The following ATRNL1 variants were observed in gnomAD, a reference collection of about 807,000 sequenced individuals.
ATRNL1 encodes the protein attractin like 1, also known as attractin-like protein 1.
Under a neutral mutation model 182.7 loss-of-function variants are expected in ATRNL1, and 95 were observed. That is an observed-to-expected ratio of 0.52 (90% confidence interval 0.44 to 0.62). The LOEUF is 0.62. Ranked by LOEUF, ATRNL1 falls within the 20% of genes least tolerant of loss-of-function variation. The probability of loss-of-function intolerance (pLI) is 0.00; values close to 1 mark genes in which losing one functional copy is unlikely to be tolerated. For synonymous variants in ATRNL1, 576 were observed against 568.3 expected (o/e 1.01, Z -0.19); for missense variants, 1,471 against 1,679.5 (o/e 0.88, Z 2.17).
At chr10:115,604,189 G>A (rs530586733) in intron 26 of ATRNL1, among the ~76,000 whole-genome samples, 1 of 152,146 alleles carries the variant, frequency 6.6e-6, no homozygotes, top group African/African-American at 2.4e-5. Flanking sequence ...TTACATTACT[G>A]AGGATATGAA....
At chr10:115,441,886 C>T (rs1279360297) in intron 21 of ATRNL1, among the ~76,000 whole-genome samples, 2 of 151,876 alleles carry the variant, frequency 1.3e-5, no homozygotes, top group Non-Finnish European at 2.9e-5. Context: ...TCAACCCTTA[C>T]TTTGTGAGGG....
intron 21 of ATRNL1, among the ~76,000 whole-genome samples, chr10:115,457,773 GT>G (rs202097850): frequency 6.6e-6 from 1 of 151,856 alleles, no homozygotes; most frequent in Admixed American, 6.6e-5. Context: ...CAGTCTTTAT[GT>G]TTTTTTCACA....
chr10:115,358,793 C>G (rs895196168), intron 19 of ATRNL1, among the ~76,000 whole-genome samples: 1 of 151,580 alleles, frequency 6.6e-6, no homozygotes, highest in Non-Finnish European at 1.5e-5. Flanking sequence ...CTTTGACTCT[C>G]ACATGCAACT....
chr10:115,860,560 G>T (rs1466828212), intron 28 of ATRNL1, among the ~76,000 whole-genome samples: 1 of 152,124 alleles, frequency 6.6e-6, no homozygotes, highest in African/African-American at 2.4e-5. Context: ...GGATAATTTG[G>T]TATTACTCTA....
At chr10:115,625,704 A>T (rs1428637645) in intron 26 of ATRNL1, among the ~76,000 whole-genome samples, 1 of 152,148 alleles carries the variant, frequency 6.6e-6, no homozygotes, top group Non-Finnish European at 1.5e-5. Flanking sequence ...AACTCCATTC[A>T]TGCAATTTAA....
chr10:115,170,933 GA>G (rs1847263873), intron 7 of ATRNL1, 103 bp from the exon 8 acceptor site: 1 of 665,418 alleles, frequency 1.5e-6, no homozygotes, highest in Admixed American at 3.9e-5. Flanking sequence ...TGCATGTTGT[GA>G]ACAATTACTA....
chr10:115,114,692 G>A (rs964916858), intron 1 of ATRNL1, among the ~76,000 whole-genome samples: 1 of 152,048 alleles, frequency 6.6e-6, no homozygotes, highest in Admixed American at 6.5e-5. Context: ...ACAATGGGAT[G>A]TCATCTCATA....
At chr10:115,228,766 C>CT (rs35765835) in intron 9 of ATRNL1, among the ~76,000 whole-genome samples, 31,596 of 133,740 alleles carry the variant, frequency 0.24, 4,203 homozygotes, top group Non-Finnish European at 0.31. Context: ...TTCTTTCTTT[C>CT]TTTTTTTTTT....
intron 8 of ATRNL1, 103 bp downstream of exon 8, chr10:115,171,395 T>A (rs372521609): frequency 9.5e-7 from 1 of 1,054,372 alleles, no homozygotes. Flanking sequence ...TATTTGAGAT[T>A]GAAATTATAA....
intron 26 of ATRNL1, among the ~76,000 whole-genome samples, chr10:115,588,173 T>G (rs1175167814): frequency 2.6e-5 from 4 of 152,282 alleles, no homozygotes; most frequent in Middle Eastern, 6.8e-3. Flanking sequence ...TAGCATCAGT[T>G]TGGCTCTCCG....
intron 26 of ATRNL1, among the ~76,000 whole-genome samples, chr10:115,553,966 C>A (rs139876122): frequency 6.6e-6 from 1 of 151,372 alleles, no homozygotes; most frequent in Non-Finnish European, 1.5e-5. Flanking sequence ...AAAGAAGATT[C>A]GGCACAGAAT....
At chr10:115,626,053 C>A (rs1858076710) in intron 26 of ATRNL1, among the ~76,000 whole-genome samples, 1 of 152,080 alleles carries the variant, frequency 6.6e-6, no homozygotes, top group African/African-American at 2.4e-5. Context: ...TCTCCATGCC[C>A]CCTGAAACTG....
At chr10:115,856,434 A>AAAAAAAAATAAAAAAT (rs1243598823) in intron 28 of ATRNL1, among the ~76,000 whole-genome samples, 1 of 142,538 alleles carries the variant, frequency 7.0e-6, no homozygotes, top group East Asian at 2.1e-4. Context: ...ATCTCAAAAA[A>AAAAAAAAATAAAAAAT]AAAAAAAAAA....
At chr10:115,706,108 T>C (rs912143007) in intron 26 of ATRNL1, among the ~76,000 whole-genome samples, 1 of 151,934 alleles carries the variant, frequency 6.6e-6, no homozygotes, top group African/African-American at 2.4e-5. Flanking sequence ...ATCAGAAGTC[T>C]GAAATTAGTC....
Position 115,833,318 on chromosome 10 carries a change from C to T in ATRNL1, c.3904-14559C>T, listed in dbSNP as rs141149172. On this transcript the variant is annotated intron_variant, in intron 27 of 28. Transcript: ENST00000355044. ...AGATTAGTCTAGTTACCTAAAGTCA[C>T]GTGATCTGTATGTGGTAGAGCCAAG... 3.1e-3 allele frequency among the ~76,000 whole-genome samples: 474 copies of T among 152,222 alleles called. 2 individuals carry two copies. The highest frequency in any genetic ancestry group is 0.011 in the African/African-American group (452 of 41,544).
At chr10:115,633,767 C>T (rs888526074) in intron 26 of ATRNL1, among the ~76,000 whole-genome samples, 12 of 152,164 alleles carry the variant, frequency 7.9e-5, no homozygotes, top group African/African-American at 2.9e-4. Flanking sequence ...TCTACCAAGT[C>T]CTTTGGTCAT....
Position 115,944,725 on chromosome 10 carries a change from T to A in ATRNL1, c.4086T>A (p.Thr1362=). Residue 1362 remains threonine, a synonymous_variant, in exon 29 of 29, where the codon ACT becomes ACA. Transcript: ENST00000355044. ...AAGCTTCAGATAGTAAAGATAAGAC[T>A]TCTGGAGTCCGGAATCGAAAACACC... ...QQKASDSKDK[T]SGVRNRKHLS... is the part of the protein sequence containing the mutation. The A allele has an allele frequency of 1.2e-6, 2 of 1,613,744 alleles. No homozygotes were observed. The highest frequency in any genetic ancestry group is 1.7e-6 in the Non-Finnish European group (2 of 1,179,754).
At chr10:115,124,761 A>G (rs1844891658) in intron 3 of ATRNL1, among the ~76,000 whole-genome samples, 1 of 152,158 alleles carries the variant, frequency 6.6e-6, no homozygotes, top group African/African-American at 2.4e-5. Context: ...CTCACCATGA[A>G]TAGGAAGACA....
intron 26 of ATRNL1, among the ~76,000 whole-genome samples, chr10:115,571,638 G>T (rs1018604833): frequency 2.6e-5 from 4 of 151,962 alleles, no homozygotes; most frequent in African/African-American, 9.7e-5. Context: ...TAACTATTTT[G>T]CTAAATAGAT....
Sources: gnomAD v4.1 joint callset for allele counts (sites outside exome capture counted in the v4.1 genomes callset) on GRCh38, gnomAD v4.1.1 for gene constraint, MANE v1.5 for transcripts, NCBI Gene and HGNC (gene_info 2026-07-23, HGNC 2026-07-21) for gene names.